The following TAFA5 variants were observed in gnomAD, a reference collection of about 807,000 sequenced individuals.
The protein encoded by TAFA5 is chemokine-like protein TAFA-5.
TAFA5 carries 6 observed loss-of-function variants against 15.3 expected under a neutral mutation model. That is an observed-to-expected ratio of 0.39 (90% CI 0.21 to 0.77). TAFA5 has a LOEUF of 0.77. TAFA5 is among the 30% of genes least tolerant of loss of function. TAFA5 has a pLI of 0.41. For missense variants in TAFA5, 161 were observed against 193.1 expected (o/e 0.83, Z 0.98); for synonymous variants, 103 against 80.7 (o/e 1.28, Z -1.48).
At chr22:48,539,670 A>C (rs1922292104) in intron 1 of TAFA5, among the ~76,000 whole-genome samples, 1 of 152,170 alleles carries the variant, frequency 6.6e-6, no homozygotes, top group Non-Finnish European at 1.5e-5. Context: ...ACGGGAACAG[A>C]GCCTATGAGC....
chr22:48,729,423 G>A (rs1187682161), intron 3 of TAFA5, among the ~76,000 whole-genome samples: 1 of 144,752 alleles, frequency 6.9e-6, no homozygotes, highest in African/African-American at 2.5e-5. Flanking sequence ...TTATAAATTC[G>A]TATAAAATAT....
intron 3 of TAFA5, among the ~76,000 whole-genome samples, chr22:48,729,860 A>C (rs1359183379): frequency 3.3e-5 from 5 of 151,898 alleles, no homozygotes; most frequent in African/African-American, 1.2e-4. Flanking sequence ...ATCTCCTTCC[A>C]CAAAGACTTT....
intron 1 of TAFA5, among the ~76,000 whole-genome samples, chr22:48,512,687 G>A (rs1921259337): frequency 6.6e-6 from 1 of 151,832 alleles, no homozygotes; most frequent in South Asian, 2.1e-4. Context: ...TTGGGAGGCC[G>A]AGGCGGGTGG....
chr22:48,681,433 A>G (rs1289394983), intron 2 of TAFA5, among the ~76,000 whole-genome samples: 1 of 151,072 alleles, frequency 6.6e-6, no homozygotes, highest in Non-Finnish European at 1.5e-5. Flanking sequence ...GCCTGAGCTC[A>G]GGAGTTCAGG....
At chr22:48,694,052 G>A (rs558038818) in intron 2 of TAFA5, among the ~76,000 whole-genome samples, 13 of 152,280 alleles carry the variant, frequency 8.5e-5, no homozygotes, top group South Asian at 2.1e-4. Context: ...CACAGGCCAC[G>A]CGGAGGCTGA....
intron 1 of TAFA5, among the ~76,000 whole-genome samples, chr22:48,610,809 T>C (rs148546231): frequency 0.018 from 2,809 of 152,298 alleles, 40 homozygotes; most frequent in Non-Finnish European, 0.027. Context: ...GAGCTGTCCC[T>C]GCTGCAGCCC....
At chr22:48,504,360 G>A (rs1286017122) in intron 1 of TAFA5, among the ~76,000 whole-genome samples, 1 of 152,208 alleles carries the variant, frequency 6.6e-6, no homozygotes, top group East Asian at 1.9e-4. Flanking sequence ...CCTCCCCATG[G>A]GGGCGCTGCC....
intron 1 of TAFA5, among the ~76,000 whole-genome samples, chr22:48,643,307 C>T (rs1464701419): frequency 3.3e-5 from 5 of 152,202 alleles, no homozygotes; most frequent in Non-Finnish European, 1.5e-5. Flanking sequence ...CTCTGGGAAG[C>T]TTCCCAGTGG....
intron 2 of TAFA5, among the ~76,000 whole-genome samples, chr22:48,697,848 C>T (rs1026839230): frequency 1.8e-4 from 27 of 146,164 alleles, no homozygotes; most frequent in East Asian, 1.1e-3. Flanking sequence ...GTGAGGATAC[C>T]GGTGGTGGTT....
intron 1 of TAFA5, among the ~76,000 whole-genome samples, chr22:48,622,329 C>T (rs1027488822): frequency 5.9e-5 from 9 of 152,144 alleles, no homozygotes; most frequent in Admixed American, 2.6e-4. Flanking sequence ...CTGGGCACCT[C>T]GGAGGGCCTG....
chr22:48,594,943 C>T (rs76589074), intron 1 of TAFA5, among the ~76,000 whole-genome samples: 2,932 of 151,752 alleles, frequency 0.019, 88 homozygotes, highest in African/African-American at 0.068. Flanking sequence ...AGCACACCTT[C>T]GGCTGAGCAG....
chr22:48,612,621 C>CCCCGCGTGTCTCCT (rs1569047563), intron 1 of TAFA5, among the ~76,000 whole-genome samples: 7 of 152,014 alleles, frequency 4.6e-5, no homozygotes, highest in South Asian at 4.2e-4. Flanking sequence ...ACGTGTCTCC[C>CCCCGCGTGTCTCCT]GTTCCCCGCG....
chr22:48,604,392 G>A (rs1261699229), intron 1 of TAFA5, among the ~76,000 whole-genome samples: 1 of 152,234 alleles, frequency 6.6e-6, no homozygotes, highest in Admixed American at 6.5e-5. Context: ...TTTTCTCATG[G>A]TGTTCCAGAC....
chr22:48,525,353 C>A (rs1181022447), intron 1 of TAFA5, among the ~76,000 whole-genome samples: 1 of 152,204 alleles, frequency 6.6e-6, no homozygotes, highest in African/African-American at 2.4e-5. Context: ...CTGGGATACG[C>A]TGAGGGCTTG....
intron 1 of TAFA5, among the ~76,000 whole-genome samples, chr22:48,633,069 G>T (rs1926291201): frequency 6.6e-6 from 1 of 152,178 alleles, no homozygotes; most frequent in African/African-American, 2.4e-5. Flanking sequence ...AGGCCCCATG[G>T]AGGCAATTCC....
chr22:48,608,116 G>GCCCCAGGCTGCCAGCCCCTCCCACGA (rs1925266010), intron 1 of TAFA5, among the ~76,000 whole-genome samples: 2 of 151,644 alleles, frequency 1.3e-5, no homozygotes, highest in African/African-American at 2.4e-5. Context: ...CCCTCCCACG[G>GCCCCAGGCTGCCAGCCCCTCCCACGA]CCCCGGGCTG....
intron 1 of TAFA5, among the ~76,000 whole-genome samples, chr22:48,548,947 C>G (rs565706200): frequency 5.9e-5 from 9 of 152,312 alleles, no homozygotes; most frequent in African/African-American, 2.2e-4. Context: ...TCACAAGAAG[C>G]CTTCACACCC....
At chr22:48,690,452 T>C (rs1005183054) in intron 2 of TAFA5, among the ~76,000 whole-genome samples, 2 of 152,080 alleles carry the variant, frequency 1.3e-5, no homozygotes, top group African/African-American at 4.8e-5. Flanking sequence ...TCCACCCTAC[T>C]GGCCTCTCCA....
At chr22:48,707,468 G>A (rs371745603) in intron 2 of TAFA5, among the ~76,000 whole-genome samples, 1 of 152,160 alleles carries the variant, frequency 6.6e-6, no homozygotes, top group Non-Finnish European at 1.5e-5. Context: ...TAGCTCCCTC[G>A]ATCATTGCTT....
Sources: allele counts gnomAD v4.1 joint callset (sites outside exome capture counted in the v4.1 genomes callset), GRCh38; gene constraint gnomAD v4.1.1; transcripts MANE v1.5; gene names NCBI Gene and HGNC (gene_info 2026-07-23, HGNC 2026-07-21).